The following GPAT2 variants were observed in gnomAD, a reference collection of about 807,000 sequenced individuals.
GPAT2 encodes the protein 1-acylglycerol-3-phosphate O-acyltransferase GPAT2.
A neutral mutation model predicts 71.0 loss-of-function variants in GPAT2; 51 were observed. The ratio of observed to expected loss-of-function variants is 0.72; its 90% confidence interval spans 0.57 to 0.91. The LOEUF is 0.91. Among genes scored for constraint, GPAT2 ranks in the 40% least tolerant of loss-of-function variants. The pLI is 0.00. For missense variants in GPAT2, 511 were observed against 666.0 expected (o/e 0.77, Z 2.56); for synonymous variants, 222 against 290.3 (o/e 0.76, Z 2.39).
chr2:96,022,726 G>A lies in GPAT2; in HGVS notation c.2234-3C>T, dbSNP rs771785922. On this transcript the variant is annotated splice_polypyrimidine_tract_variant and splice_region_variant and intron_variant, in intron 20 of 21. Transcript: ENST00000434632. ...GGCGAGCTTTGGGTCCGCACACTCT[G>A]GAAAGAAGAGAGAAGTGAAGGCTCT... 4 of 1,613,990 alleles carry A rather than the reference G, an allele frequency of 2.5e-6. No homozygotes were observed. The highest frequency in any genetic ancestry group is 1.1e-5 in the South Asian group (1 of 91,076).
chr2:96,022,447 A>G (rs539467373), intron 21 of GPAT2, among the ~76,000 whole-genome samples, 172 bp from the exon 22 acceptor site: 1 of 152,324 alleles, frequency 6.6e-6, no homozygotes, highest in South Asian at 2.1e-4. Flanking sequence ...ACCTAGAAAG[A>G]TGAGCCAGTG....
chr2:96,024,559 G>A lies in GPAT2; in HGVS notation c.1555C>T (p.Arg519Trp), dbSNP rs756792556. The A allele has an allele frequency of 2.7e-5, 44 of 1,613,780 alleles. No homozygotes were observed. The highest frequency in any genetic ancestry group is 1.7e-4 in the African/African-American group (13 of 75,008). Residue 519 changes from arginine (R) to tryptophan (W), a missense_variant, in exon 15 of 22, where the codon CGG becomes TGG. Coordinates refer to ENST00000434632, the MANE Select transcript of GPAT2 (RefSeq NM_001321527.2). ...ATGCGCAGCAGGGCCACGTGCGCCC[G>A]CAGCAGGCTCAGTGAGTGCTGCAGC... Reference protein sequence around the residue: ...SLLQHSLSLLRAHVALLRIRQ... With the variant: ...SLLQHSLSLLWAHVALLRIRQ...
rs762928239 is a variant in GPAT2 at position 96,032,352 on chromosome 2, G to C, written c.8C>G (p.Thr3Ser). 6 of 1,421,238 alleles carry C rather than the reference G, an allele frequency of 4.2e-6. No individual in the cohort carries two copies. In the African/African-American group the frequency reaches 1.0e-4, roughly 25 times the overall value. The allele number at this position is 1,421,238 out of a possible 1,614,324, so 88.0% of individuals were successfully genotyped here. ...AGTTTGGCATCTGCCTTCCAACATG[G>C]TGGCCATGAGAGCCTAGAAGAACCA... MA[T>S]MLEGRCQTQP... The change falls in exon 2 of 22, where the codon ACC becomes AGC. Residue 3 changes from threonine to serine, a missense_variant. This residue lies in a region of GPAT2 where 21 missense variants were observed against 71.6 expected (regional missense o/e 0.29). Transcript: ENST00000434632.
chr2:96,034,267 G>A (rs1310488371), intron 1 of GPAT2, among the ~76,000 whole-genome samples: 2 of 98,362 alleles, frequency 2.0e-5, no homozygotes, highest in Non-Finnish European at 4.1e-5. Flanking sequence ...CACCCCACAG[G>A]GCTCAGCTGG....
intron 10 of GPAT2, 32 bp downstream of exon 10, chr2:96,026,665 G>A (rs1558687416): frequency 7.1e-6 from 1 of 141,496 alleles, no homozygotes; most frequent in East Asian, 1.7e-4. Context: ...CCACCTAGGG[G>A]CCCAAGGGGC....
intron 20 of GPAT2, 71 bp downstream of exon 20, chr2:96,022,887 C>A: frequency 1.9e-6 from 3 of 1,612,694 alleles, no homozygotes; most frequent in Non-Finnish European, 2.5e-6. Flanking sequence ...TTGTCACTGT[C>A]CTGCAGGGGG....
Sources: gnomAD v4.1 joint callset for allele counts (sites outside exome capture counted in the v4.1 genomes callset) on GRCh38, gnomAD v4.1.1 for gene constraint, gnomAD v4.1.1 regional missense constraint, MANE v1.5 for transcripts, NCBI Gene and HGNC (gene_info 2026-07-23, HGNC 2026-07-21) for gene names.